PRP4K: variants seen among roughly 807,000 people sequenced by gnomAD.
PRP4K encodes serine/threonine-protein kinase PRP4 homolog.
At chr6:4,047,574 C>T in the PRP4K span, among the ~76,000 whole-genome samples, 18 of 152,078 alleles carry the variant, frequency 1.2e-4, no homozygotes, top group African/African-American at 4.3e-4. Flanking sequence ...ACAGTATTTT[C>T]TAGGTCTTTA....
the PRP4K span, chr6:4,052,946 A>ACTG: frequency 1.5e-6 from 2 of 1,336,408 alleles, no homozygotes; most frequent in Non-Finnish European, 2.0e-6. Context: ...TAATATTATT[A>ACTG]CTATGAGAAA....
chr6:4,046,559 T>C, the PRP4K span, among the ~76,000 whole-genome samples: 6 of 152,194 alleles, frequency 3.9e-5, no homozygotes, highest in African/African-American at 1.2e-4. Context: ...GCAAATAACA[T>C]GTTTTAAAGA....
the PRP4K span, chr6:4,049,888 A>G: frequency 5.0e-6 from 8 of 1,613,604 alleles, no homozygotes; most frequent in Non-Finnish European, 5.9e-6. Context: ...ATGTAAGTTC[A>G]GAAGACGTGA....
chr6:4,041,679 A>ATTT, the PRP4K span, among the ~76,000 whole-genome samples: 1 of 22,524 alleles, frequency 4.4e-5, no homozygotes. Flanking sequence ...GTCTGAGGAC[A>ATTT]TTTCTTGTGA....
At chr6:4,029,925 AT>A in the PRP4K span, among the ~76,000 whole-genome samples, 1 of 149,134 alleles carries the variant, frequency 6.7e-6, no homozygotes, top group African/African-American at 2.5e-5. Flanking sequence ...TGGTTTTGTA[AT>A]CTGTTTTCTT....
At chr6:4,028,845 C>T in the PRP4K span, among the ~76,000 whole-genome samples, 2 of 152,148 alleles carry the variant, frequency 1.3e-5, no homozygotes, top group African/African-American at 2.4e-5. Flanking sequence ...CTCTCCCCCA[C>T]CCCTTCTCCC....
chr6:4,045,322 T>C, the PRP4K span, among the ~76,000 whole-genome samples: 1 of 152,168 alleles, frequency 6.6e-6, no homozygotes, highest in East Asian at 1.9e-4. Context: ...GCCAGCTAGA[T>C]TTGGCTCACA....
chr6:4,056,927 G>T, the PRP4K span: 4 of 1,171,180 alleles, frequency 3.4e-6, no homozygotes, highest in Non-Finnish European at 4.8e-6. Context: ...CATGAAGATT[G>T]TGGTTATAGT....
the PRP4K span, chr6:4,021,442 C>A: frequency 8.8e-6 from 14 of 1,585,736 alleles, no homozygotes; most frequent in Non-Finnish European, 1.2e-5. Context: ...GCCGCGGAGA[C>A]CCAGTCGCTA....
chr6:4,042,560 A>G, the PRP4K span: 1 of 1,604,750 alleles, frequency 6.2e-7, no homozygotes, highest in African/African-American at 1.3e-5. Context: ...AAGGCAGGCA[A>G]TTGTTCAGGT....
the PRP4K span, among the ~76,000 whole-genome samples, chr6:4,036,283 A>G: frequency 2.0e-5 from 3 of 152,018 alleles, no homozygotes; most frequent in Non-Finnish European, 2.9e-5. Context: ...GTGCAGTGGC[A>G]TGATCTCTGC....
chr6:4,032,027 A>G, the PRP4K span: 12 of 1,613,952 alleles, frequency 7.4e-6, no homozygotes, highest in African/African-American at 1.6e-4. Context: ...CAAAGGGGAA[A>G]CTTGAACTTG....
At chr6:4,034,710 A>G in the PRP4K span, among the ~76,000 whole-genome samples, 1 of 151,522 alleles carries the variant, frequency 6.6e-6, no homozygotes, top group East Asian at 1.9e-4. Context: ...TTATTTATTT[A>G]TTTTATTTTA....
chr6:4,058,950 T>A, the PRP4K span: 1 of 617,856 alleles, frequency 1.6e-6, no homozygotes, highest in Non-Finnish European at 2.8e-6. Flanking sequence ...AATTCCTAAA[T>A]AAAACACATC....
the PRP4K span, among the ~76,000 whole-genome samples, chr6:4,039,750 A>G: frequency 1.3e-5 from 2 of 151,988 alleles, no homozygotes; most frequent in Non-Finnish European, 2.9e-5. Flanking sequence ...CTTTACTCCA[A>G]TTTGCACATT....
the PRP4K span, chr6:4,057,172 A>G: frequency 6.2e-7 from 1 of 1,611,820 alleles, no homozygotes; most frequent in Non-Finnish European, 8.5e-7. Context: ...ATCTCAAAGG[A>G]AAGATGCCAA....
the PRP4K span, among the ~76,000 whole-genome samples, chr6:4,038,555 AC>A: frequency 3.0e-4 from 45 of 151,844 alleles, no homozygotes; most frequent in African/African-American, 9.2e-4. Flanking sequence ...GGCCCACTGC[AC>A]CCAGCCACAA....
chr6:4,032,162 C>T, the PRP4K span: 1 of 1,613,576 alleles, frequency 6.2e-7, no homozygotes, highest in Non-Finnish European at 8.5e-7. Flanking sequence ...CAACTAGGAG[C>T]AAGTCAAAGG....
the PRP4K span, chr6:4,051,841 T>C: frequency 2.4e-5 from 15 of 636,850 alleles, no homozygotes; most frequent in Non-Finnish European, 1.0e-5. Context: ...CTTAAAAATA[T>C]ACAGACTTCT....
Sources: allele counts gnomAD v4.1 joint callset (sites outside exome capture counted in the v4.1 genomes callset), GRCh38; gene constraint gnomAD v4.1.1; transcripts MANE v1.5; gene names NCBI Gene and HGNC (gene_info 2026-07-23, HGNC 2026-07-21).